ZDHHC2: variants seen among roughly 807,000 people sequenced by gnomAD.
ZDHHC2 encodes palmitoyltransferase ZDHHC2.
A neutral mutation model predicts 55.6 loss-of-function variants in ZDHHC2; 51 were observed. The observed-to-expected ratio is 0.92, with a 90% confidence interval of 0.73 to 1.16. The LOEUF (loss-of-function observed/expected upper bound fraction) is 1.16, where lower values mean the gene tolerates loss of function less well. ZDHHC2 is among the 50% of genes most tolerant of loss of function. The pLI, the probability that ZDHHC2 is intolerant of heterozygous loss-of-function variation, is 0.00. For missense variants in ZDHHC2, 491 were observed against 442.4 expected, an observed-to-expected ratio of 1.11 and a Z score of -0.99; for synonymous variants, 199 against 152.9, an observed-to-expected ratio of 1.30 and a Z score of -2.22.
At chr8:17,172,292 C>T (rs1002098799) in intron 1 of ZDHHC2, among the ~76,000 whole-genome samples, 3 of 152,152 alleles carry the variant, frequency 2.0e-5, no homozygotes, top group East Asian at 1.9e-4. Flanking sequence ...CTCTCTTGGC[C>T]GCCGGCTAAA....
At chr8:17,167,468 G>T (rs1315590602) in intron 1 of ZDHHC2, among the ~76,000 whole-genome samples, 1 of 151,928 alleles carries the variant, frequency 6.6e-6, no homozygotes, top group Non-Finnish European at 1.5e-5. Flanking sequence ...ATCATGCCGG[G>T]CTAATTTTTC....
chr8:17,157,048 T>A (rs918469032), intron 1 of ZDHHC2, among the ~76,000 whole-genome samples, 195 bp downstream of exon 1: 76 of 151,668 alleles, frequency 5.0e-4, no homozygotes, highest in Non-Finnish European at 4.4e-4. Context: ...CGCCCTCCCC[T>A]CCCAACTCTC....
intron 1 of ZDHHC2, among the ~76,000 whole-genome samples, chr8:17,167,600 G>A (rs568497135): frequency 6.6e-6 from 1 of 152,020 alleles, no homozygotes; most frequent in African/African-American, 2.4e-5. Context: ...CCGGCCACAA[G>A]CTGGTAATAT....
At chr8:17,213,738 C>G (rs1807499596) in intron 10 of ZDHHC2, among the ~76,000 whole-genome samples, 6 of 152,114 alleles carry the variant, frequency 3.9e-5, no homozygotes, top group Admixed American at 3.3e-4. Flanking sequence ...TGCTAGAGTC[C>G]TGTTAGCAGT....
chr8:17,216,365 T>C (rs1336025970), intron 11 of ZDHHC2, among the ~76,000 whole-genome samples: 1 of 152,214 alleles, frequency 6.6e-6, no homozygotes, highest in Non-Finnish European at 1.5e-5. Flanking sequence ...AGAAGCTTTC[T>C]TTAGCCTTAT....
chr8:17,204,580 T>C (rs1224229792), intron 6 of ZDHHC2, among the ~76,000 whole-genome samples: 2 of 152,132 alleles, frequency 1.3e-5, no homozygotes, highest in East Asian at 3.9e-4. Flanking sequence ...AGAGTGAGCC[T>C]ATAAGCCTAT....
At chr8:17,215,171 A>G in intron 10 of ZDHHC2, 66 bp from the exon 11 acceptor site, 1 of 1,439,462 alleles carries the variant, frequency 6.9e-7, no homozygotes, top group South Asian at 1.3e-5. Flanking sequence ...TACATTGAGA[A>G]ACAATCAACT....
intron 1 of ZDHHC2, among the ~76,000 whole-genome samples, chr8:17,174,096 C>CTTCT (rs1554458846): frequency 4.2e-5 from 6 of 141,946 alleles, no homozygotes; most frequent in African/African-American, 1.0e-4. Flanking sequence ...TCTTCTTCTT[C>CTTCT]TTTTTTTTTT....
chr8:17,193,934 G>A (rs965617123), intron 3 of ZDHHC2, among the ~76,000 whole-genome samples: 12 of 152,184 alleles, frequency 7.9e-5, no homozygotes, highest in African/African-American at 2.4e-4. Flanking sequence ...CCCACCCCAC[G>A]ACAGGCCCTG....
At chr8:17,201,637 C>T (rs1204542773) in intron 6 of ZDHHC2, among the ~76,000 whole-genome samples, 8 of 148,338 alleles carry the variant, frequency 5.4e-5, no homozygotes, top group South Asian at 2.2e-4. Context: ...GGACTATAGG[C>T]GCCCACCACT....
At chr8:17,167,210 G>A (rs1338664387) in intron 1 of ZDHHC2, among the ~76,000 whole-genome samples, 2 of 151,000 alleles carry the variant, frequency 1.3e-5, no homozygotes, top group African/African-American at 4.9e-5. Context: ...AACAAAGAAT[G>A]TTGAATCCTA....
chr8:17,199,532 C>CG (rs1554466075), intron 6 of ZDHHC2, among the ~76,000 whole-genome samples: 5,508 of 116,576 alleles, frequency 0.047, 534 homozygotes, highest in East Asian at 0.2. Context: ...TCTTCGTCTT[C>CG]TGTCTTCGTC....
At chr8:17,165,130 T>G (rs1266422450) in intron 1 of ZDHHC2, among the ~76,000 whole-genome samples, 1 of 152,198 alleles carries the variant, frequency 6.6e-6, no homozygotes, top group African/African-American at 2.4e-5. Flanking sequence ...GGAGCTGTAA[T>G]GAGAGACACC....
intron 11 of ZDHHC2, among the ~76,000 whole-genome samples, chr8:17,216,202 A>G (rs1330836725): frequency 2.0e-5 from 3 of 152,214 alleles, no homozygotes; most frequent in Non-Finnish European, 2.9e-5. Flanking sequence ...CAAATAAACC[A>G]GTCAACGTTT....
chr8:17,218,862 A>T (rs747794390), intron 12 of ZDHHC2, among the ~76,000 whole-genome samples: 13 of 152,084 alleles, frequency 8.5e-5, no homozygotes, highest in Admixed American at 3.9e-4. Flanking sequence ...TTTAAAAATA[A>T]TTTTTTCCTG....
At chr8:17,215,425 T>C in intron 11 of ZDHHC2, 76 bp downstream of exon 11, 1 of 1,100,786 alleles carries the variant, frequency 9.1e-7, no homozygotes, top group Non-Finnish European at 1.3e-6. Flanking sequence ...AAAAATCCAT[T>C]ATACTACCTA....
intron 11 of ZDHHC2, among the ~76,000 whole-genome samples, chr8:17,216,208 C>T (rs371985373): frequency 3.3e-5 from 5 of 152,098 alleles, no homozygotes; most frequent in African/African-American, 7.2e-5. Flanking sequence ...AACCAGTCAA[C>T]GTTTTAAAGT....
In ZDHHC2 at chr8:17,156,778, T is replaced by C; in HGVS notation, c.55T>C (p.Tyr19His). Residue 19 changes from tyrosine to histidine, a missense_variant, in exon 1 of 13, where the codon TAC (tyrosine) becomes CAC (histidine). Transcript: ENST00000262096. Reference protein sequence around the residue: ...SARRRCRRVLYWIPVVFITLL... With the variant: ...SARRRCRRVLHWIPVVFITLL... ...CAGGCGGCGGTGCCGGCGGGTGCTGTACTGGATCCCGGTGGTGTTCATCAC... is the reference window on the plus strand; with the variant it reads ...CAGGCGGCGGTGCCGGCGGGTGCTGCACTGGATCCCGGTGGTGTTCATCAC... The C allele has an allele frequency of 4.6e-6, 7 of 1,518,784 alleles. No homozygotes were observed. Among genetic ancestry groups the C allele is most frequent in the Non-Finnish European group, 6.2e-6 (7 of 1,132,234 alleles). The allele number at this position is 1,518,784 out of a possible 1,614,324, so 94.1% of individuals were successfully genotyped here. A position where few individuals can be genotyped will look rare whatever the true frequency, so the allele number is the denominator to read the frequency against.
intron 1 of ZDHHC2, among the ~76,000 whole-genome samples, chr8:17,172,655 G>T (rs78893821): frequency 1.3e-5 from 2 of 152,272 alleles, no homozygotes; most frequent in African/African-American, 4.8e-5. Context: ...TTTTATAAAC[G>T]TAAGGATTAA....
Sources: allele counts gnomAD v4.1 joint callset (sites outside exome capture counted in the v4.1 genomes callset), GRCh38; gene constraint gnomAD v4.1.1; transcripts MANE v1.5; gene names NCBI Gene and HGNC (gene_info 2026-07-23, HGNC 2026-07-21).